YEATS2: variants seen among roughly 807,000 people sequenced by gnomAD.
YEATS2 encodes YEATS domain containing 2, also known as YEATS domain-containing protein 2.
YEATS2 carries 77 observed loss-of-function variants against 163.2 expected under a neutral mutation model. The observed-to-expected ratio is 0.47, with a 90% CI of 0.39 to 0.57. The LOEUF (loss-of-function observed/expected upper bound fraction) is 0.57. Among genes scored for constraint, YEATS2 ranks in the 20% least tolerant of loss-of-function variants. The pLI is 0.00. For synonymous variants in YEATS2, 631 were observed against 645.1 expected, an observed-to-expected ratio of 0.98 and a Z score of 0.33; for missense variants, 1,549 against 1,729.8, an observed-to-expected ratio of 0.90 and a Z score of 1.85.
intron 9 of YEATS2, among the ~76,000 whole-genome samples, chr3:183,749,029 G>A (rs1370477171): frequency 5.3e-5 from 8 of 151,752 alleles, no homozygotes; most frequent in South Asian, 2.1e-4. Context: ...TGCAAGCTCC[G>A]CCTCCCGGGT....
At chr3:183,741,514 G>C (rs1047075241) in intron 8 of YEATS2, among the ~76,000 whole-genome samples, 6 of 152,118 alleles carry the variant, frequency 3.9e-5, no homozygotes, top group African/African-American at 1.2e-4. Flanking sequence ...AGGCATGGTG[G>C]CTTATGTCTG....
intron 19 of YEATS2, among the ~76,000 whole-genome samples, chr3:183,778,581 C>G (rs747478951): frequency 6.6e-6 from 1 of 152,088 alleles, no homozygotes; most frequent in African/African-American, 2.4e-5. Flanking sequence ...GTCTCCAGCT[C>G]GTGACCTCAG....
chr3:183,795,509 G>A (rs1023327353), intron 21 of YEATS2, among the ~76,000 whole-genome samples: 7 of 136,508 alleles, frequency 5.1e-5, no homozygotes, highest in African/African-American at 1.6e-4. Context: ...CTTTGTTGCC[G>A]AGGCTGGTCT....
chr3:183,748,355 G>A (rs1044050963), intron 9 of YEATS2, among the ~76,000 whole-genome samples: 11 of 150,562 alleles, frequency 7.3e-5, no homozygotes, highest in South Asian at 4.2e-4. Flanking sequence ...GGGTTCAAGC[G>A]ATTCTCCTGC....
At position 183,798,188 on chromosome 3, in the gene YEATS2, C is replaced by G. The variant is rs188750294; in HGVS notation, c.3226+137C>G. 6 of 1,299,896 alleles carry G rather than the reference C, an allele frequency of 4.6e-6. No individual in the cohort carries two copies. In the South Asian group the frequency reaches 8.9e-5, roughly 19 times the overall value. 80.5% of individuals were successfully genotyped at this position (1,299,896 alleles called of 1,614,324 possible). On this transcript the variant is annotated intron_variant, in intron 22 of 30. Transcript: ENST00000305135. ...ATTCCCAGCGCCTGTGTACAGCCACCCTTCAGCTGTCATGGTATTCCCAGC... is the reference window on the plus strand; with the variant it reads ...ATTCCCAGCGCCTGTGTACAGCCACGCTTCAGCTGTCATGGTATTCCCAGC...
intron 6 of YEATS2, among the ~76,000 whole-genome samples, chr3:183,725,873 T>C (rs1717038698): frequency 6.6e-6 from 1 of 152,228 alleles, no homozygotes; most frequent in Admixed American, 6.5e-5. Context: ...GATGTAAGTG[T>C]GATGGGTTCC....
chr3:183,759,465 C>T (rs920287231), intron 13 of YEATS2, among the ~76,000 whole-genome samples: 1 of 152,162 alleles, frequency 6.6e-6, no homozygotes, highest in Non-Finnish European at 1.5e-5. Flanking sequence ...ATTCATCTGA[C>T]CTCTTCCCTT....
At chr3:183,759,391 AC>A (rs779614297) in intron 13 of YEATS2, among the ~76,000 whole-genome samples, 37 of 152,326 alleles carry the variant, frequency 2.4e-4, no homozygotes, top group Non-Finnish European at 4.3e-4. Flanking sequence ...TTAAAAACTT[AC>A]TGTGATAAGA....
intron 27 of YEATS2, among the ~76,000 whole-genome samples, chr3:183,805,021 C>G (rs1053482305): frequency 1.3e-5 from 2 of 151,210 alleles, no homozygotes; most frequent in African/African-American, 4.9e-5. Flanking sequence ...AAAAAACAGA[C>G]CACTGCTGCA....
At chr3:183,774,180 T>C (rs1381635655) in intron 17 of YEATS2, among the ~76,000 whole-genome samples, 1 of 152,160 alleles carries the variant, frequency 6.6e-6, no homozygotes, top group East Asian at 1.9e-4. Context: ...ATCGAGTGTG[T>C]CTGTTTGACT....
At chr3:183,800,185 T>C (rs1031528964) in intron 23 of YEATS2, among the ~76,000 whole-genome samples, 1 of 152,294 alleles carries the variant, frequency 6.6e-6, no homozygotes, top group East Asian at 1.9e-4. Context: ...GAATCTTACA[T>C]AGCAGTGTGG....
At chr3:183,775,252 T>A (rs1375221355) in intron 17 of YEATS2, among the ~76,000 whole-genome samples, 1 of 152,192 alleles carries the variant, frequency 6.6e-6, no homozygotes, top group African/African-American at 2.4e-5. Flanking sequence ...TTGAATCAGA[T>A]GCCCAAAAGT....
intron 1 of YEATS2, among the ~76,000 whole-genome samples, chr3:183,698,645 A>G (rs139056577): frequency 2.6e-5 from 4 of 152,352 alleles, no homozygotes; most frequent in South Asian, 2.1e-4. Flanking sequence ...GCCATCAGCA[A>G]TCTTACAGGC....
intron 25 of YEATS2, chr3:183,802,935 A>G (rs1432156282): frequency 4.0e-6 from 1 of 252,132 alleles, no homozygotes; most frequent in Non-Finnish European, 7.7e-6. Flanking sequence ...ATCTACCACA[A>G]CCACCTTGTG....
At chr3:183,794,525 CTG>C (rs1352136027) in intron 21 of YEATS2, among the ~76,000 whole-genome samples, 12 of 152,174 alleles carry the variant, frequency 7.9e-5, no homozygotes, top group African/African-American at 2.9e-4. Flanking sequence ...AATGTATTTC[CTG>C]TGTACCCTCT....
chr3:183,795,755 G>C (rs186973629), intron 21 of YEATS2, among the ~76,000 whole-genome samples: 2 of 152,166 alleles, frequency 1.3e-5, no homozygotes, highest in Admixed American at 1.3e-4. Flanking sequence ...TAACTTGTCA[G>C]CTGATGAGCA....
intron 14 of YEATS2, 56 bp downstream of exon 14, chr3:183,761,670 G>A: frequency 6.7e-7 from 1 of 1,495,938 alleles, no homozygotes; most frequent in East Asian, 2.3e-5. Flanking sequence ...GTGGCATGTT[G>A]GAGTTCATTG....
In YEATS2 at chr3:183,803,330, G is replaced by A. The variant is rs777085946; in HGVS notation, c.3577G>A (p.Ala1193Thr). 11 of 1,609,870 alleles carry A rather than the reference G, an allele frequency of 6.8e-6. No homozygotes were observed. Among genetic ancestry groups the A allele is most frequent in the East Asian group, 4.5e-5 (2 of 44,844 alleles). ...CTGGAACATTGGAAAAAGGAGAGCCGCTGAGGTAACCCACATCTGCCTGTC... is the reference window on the plus strand; with the variant it reads ...CTGGAACATTGGAAAAAGGAGAGCCACTGAGGTAACCCACATCTGCCTGTC... ...YGWNIGKRRAAEWQRAMTMRK... is the reference protein window; with the variant it reads ...YGWNIGKRRATEWQRAMTMRK... The change falls in exon 26 of 31, where the codon GCT becomes ACT. Residue 1193 changes from alanine (A) to threonine (T), a missense_variant. By Grantham distance (58) the Ala-to-Thr change is moderately conservative (BLOSUM62 0). Coordinates refer to ENST00000305135, the MANE Select transcript of YEATS2 (RefSeq NM_018023.5).
intron 1 of YEATS2, among the ~76,000 whole-genome samples, chr3:183,712,764 A>AT (rs35062693): frequency 0.24 from 34,571 of 146,260 alleles, 4,562 homozygotes; most frequent in East Asian, 0.47. Flanking sequence ...ACTAATACAA[A>AT]TTTTTTTTTT....
Sources: allele counts gnomAD v4.1 joint callset (sites outside exome capture counted in the v4.1 genomes callset), GRCh38; gene constraint gnomAD v4.1.1; transcripts MANE v1.5; gene names NCBI Gene and HGNC (gene_info 2026-07-23, HGNC 2026-07-21).